CRYZL1: variants seen among roughly 807,000 people sequenced by gnomAD.
CRYZL1 encodes crystallin zeta like 1.
A neutral mutation model predicts 50.6 loss-of-function variants in CRYZL1; 34 were observed. The ratio of observed to expected loss-of-function variants is 0.67; its 90% CI spans 0.51 to 0.89. The LOEUF (loss-of-function observed/expected upper bound fraction) is 0.89. Ranked by LOEUF, CRYZL1 falls within the 40% of genes least tolerant of loss-of-function variation. CRYZL1 has a pLI of 0.00. For missense variants in CRYZL1, 354 were observed against 402.3 expected, an observed-to-expected ratio of 0.88 and a Z score of 1.03; for synonymous variants, 125 against 134.3, an observed-to-expected ratio of 0.93 and a Z score of 0.48.
At chr21:33,590,336 TA>T (rs2086631299) in intron 12 of CRYZL1, among the ~76,000 whole-genome samples, 1 of 151,422 alleles carries the variant, frequency 6.6e-6, no homozygotes, top group South Asian at 2.1e-4. Context: ...TTACTTTAAG[TA>T]ATTCAAACAA....
intron 8 of CRYZL1, among the ~76,000 whole-genome samples, chr21:33,601,840 C>T (rs1433578225): frequency 6.6e-6 from 1 of 151,138 alleles, no homozygotes; most frequent in African/African-American, 2.4e-5. Context: ...TCACCTGACC[C>T]TGGGGAGGTC....
chr21:33,599,423 T>C (rs1046999751), intron 8 of CRYZL1, 175 bp from the exon 9 acceptor site: 2 of 840,290 alleles, frequency 2.4e-6, no homozygotes, highest in African/African-American at 3.4e-5. Flanking sequence ...CTTTTTCTCA[T>C]CTAACCCAAT....
intron 5 of CRYZL1, among the ~76,000 whole-genome samples, chr21:33,614,376 C>T (rs2086905274): frequency 6.6e-6 from 1 of 151,982 alleles, no homozygotes. Context: ...GTAGTTCTAG[C>T]TATTGAGGAG....
rs559789299 is a variant in CRYZL1 at position 33,634,778 on chromosome 21, TA to T, written c.-6-3222del. 2.1e-3 allele frequency among the ~76,000 whole-genome samples: 314 copies of T among 151,918 alleles called. 1 individual carries two copies. The highest frequency in any genetic ancestry group is 3.7e-3 in the Non-Finnish European group (250 of 67,976). ...TGAAATATATGGCATGTCTCCCAGA[TA>T]AGCAGTCACATGGACCTTAGACTGT... On this transcript the variant is annotated intron_variant, in intron 1 of 12. Coordinates refer to ENST00000381554, the MANE Select transcript of CRYZL1 (RefSeq NM_145858.3).
chr21:33,639,701 G>A (rs2087253358), intron 1 of CRYZL1: 1 of 151,676 alleles, frequency 6.6e-6, no homozygotes, highest in Admixed American at 6.6e-5. Context: ...AATATGAATT[G>A]TAATTTTGAT....
intron 11 of CRYZL1, among the ~76,000 whole-genome samples, chr21:33,594,043 TAACTA>T (rs553496483): frequency 6.6e-6 from 1 of 151,046 alleles, no homozygotes; most frequent in Non-Finnish European, 1.5e-5. Context: ...ATTCTAACCT[TAACTA>T]ATGTTACTTT....
intron 1 of CRYZL1, among the ~76,000 whole-genome samples, chr21:33,635,572 T>A (rs755213574): frequency 6.6e-6 from 1 of 151,782 alleles, no homozygotes; most frequent in African/African-American, 2.4e-5. Flanking sequence ...GCTAGGATGG[T>A]CTTGATCTCC....
chr21:33,632,486 G>A (rs866828018), intron 1 of CRYZL1, among the ~76,000 whole-genome samples: 1 of 151,358 alleles, frequency 6.6e-6, no homozygotes, highest in Non-Finnish European at 1.5e-5. Context: ...CAAGCGATCC[G>A]CCTGCCTCAG....
intron 1 of CRYZL1, among the ~76,000 whole-genome samples, chr21:33,632,623 C>T (rs2087154890): frequency 6.6e-6 from 1 of 152,074 alleles, no homozygotes; most frequent in Non-Finnish European, 1.5e-5. Context: ...GGTGATCCAC[C>T]CGCCTCGGCC....
chr21:33,599,397 G>A (rs1367722074), intron 8 of CRYZL1, 149 bp from the exon 9 acceptor site: 2 of 1,093,232 alleles, frequency 1.8e-6, no homozygotes, highest in African/African-American at 1.6e-5. Context: ...AAGGGAGAAA[G>A]TCAATTTAAA....
rs10536195 is a variant in CRYZL1, at chr21:33,637,760, CATATATAT to C, written c.-7+3913_-7+3920del. On this transcript the variant is annotated intron_variant, in intron 1 of 12. Coordinates refer to ENST00000381554, the MANE Select transcript of CRYZL1 (RefSeq NM_145858.3). Reference sequence around the variant, plus strand: ...TATAAACAGCTACACAAGAGAAAAACATATATATATATATATATATATATATATACACA... The same window carrying C: ...TATAAACAGCTACACAAGAGAAAAACATATATATATATATATATATACACA... Among the ~76,000 whole-genome samples the C allele has an allele frequency of 2.4e-3, 322 of 131,726 alleles. 1 individual carries two copies. The highest frequency in any genetic ancestry group is 7.2e-3 in the African/African-American group (250 of 34,914). The allele number at this position is 131,726 out of a possible 152,430, so 86.4% of individuals were successfully genotyped here. A position where few individuals can be genotyped will look rare whatever the true frequency, so the allele number is the denominator to read the frequency against.
chr21:33,589,546 A>C lies in CRYZL1; in HGVS notation c.*276T>G, dbSNP rs752310275. On this transcript the variant is annotated 3_prime_UTR_variant, in exon 13 of 13. Transcript: ENST00000381554. ...AAGCAGCAGTTTTCTTCATGGAAGG[A>C]ATTTTATAGCAGGGGCAAAATATAT... 7.2e-4 allele frequency: 345 copies of C among 478,078 alleles called. No individual in the cohort carries two copies. Among genetic ancestry groups the C allele is most frequent in the Non-Finnish European group, 1.2e-3 (315 of 272,260 alleles). 29.6% of individuals were successfully genotyped at this position (478,078 alleles called of 1,614,324 possible).
At chr21:33,623,120 C>A (rs964336863) in intron 3 of CRYZL1, among the ~76,000 whole-genome samples, 1 of 152,012 alleles carries the variant, frequency 6.6e-6, no homozygotes, top group African/African-American at 2.4e-5. Context: ...CACGTGCCAC[C>A]ATGCCCAGCT....
At chr21:33,635,807 C>A (rs2087200187) in intron 1 of CRYZL1, among the ~76,000 whole-genome samples, 1 of 151,850 alleles carries the variant, frequency 6.6e-6, no homozygotes, top group Non-Finnish European at 1.5e-5. Context: ...ATGGTGAAAT[C>A]CTGTCTCTAC....
rs542421675 is a variant in CRYZL1, at chr21:33,590,269, A to G, written c.951-348T>C. Among the ~76,000 whole-genome samples the G allele has an allele frequency of 1.1e-4, 16 of 152,232 alleles. No individual in the cohort carries two copies. The East Asian group carries it at 2.7e-3, about 26-fold the overall frequency. On this transcript the variant is annotated intron_variant, in intron 12 of 12. Transcript: ENST00000381554. ...TAGCCTCAAGTGATCCACCCACCTT[A>G]GCCTCCCAAAGTGCTGGGATTACAG... is the stretch of plus-strand genomic sequence containing the variant.
chr21:33,615,010 A>G (rs898351269), intron 5 of CRYZL1, among the ~76,000 whole-genome samples: 3 of 152,212 alleles, frequency 2.0e-5, no homozygotes, highest in Non-Finnish European at 4.4e-5. Context: ...GAAATAATCA[A>G]TTCTCCAGGA....
At chr21:33,640,026 A>G (rs375726112) in intron 1 of CRYZL1, 98 of 810,788 alleles carry the variant, frequency 1.2e-4, no homozygotes, top group Admixed American at 4.8e-4. Context: ...GGGTTTCACC[A>G]TGTTGGCCAG....
At chr21:33,608,377 C>T (rs1267066988) in intron 6 of CRYZL1, among the ~76,000 whole-genome samples, 1 of 152,170 alleles carries the variant, frequency 6.6e-6, no homozygotes, top group Non-Finnish European at 1.5e-5. Flanking sequence ...ATTGCTTGAA[C>T]CTGGGAGGCG....
chr21:33,633,016 T>C (rs2087159502), intron 1 of CRYZL1, among the ~76,000 whole-genome samples: 1 of 152,212 alleles, frequency 6.6e-6, no homozygotes, highest in South Asian at 2.1e-4. Context: ...TTTTCTTTCT[T>C]TCTATATTAG....
Sources: allele counts gnomAD v4.1 joint callset (sites outside exome capture counted in the v4.1 genomes callset), GRCh38; gene constraint gnomAD v4.1.1; transcripts MANE v1.5; gene names NCBI Gene and HGNC (gene_info 2026-07-23, HGNC 2026-07-21).